MCM5: variants seen among roughly 807,000 people sequenced by gnomAD.
MCM5 encodes the protein DNA replication licensing factor MCM5.
Under a neutral mutation model 79.9 loss-of-function variants are expected in MCM5, and 46 were observed. The ratio of observed to expected loss-of-function variants is 0.58; its 90% CI spans 0.45 to 0.74. The LOEUF is 0.74. Ranked by LOEUF, MCM5 falls within the 30% of genes least tolerant of loss-of-function variation. MCM5 has a pLI of 0.00. For missense variants in MCM5, 883 were observed against 1,017.0 expected, an observed-to-expected ratio of 0.87 and a Z score of 1.79; for synonymous variants, 404 against 390.5, an observed-to-expected ratio of 1.03 and a Z score of -0.41.
the MCM5 span, among the ~76,000 whole-genome samples, chr22:35,444,503 C>T: frequency 6.6e-6 from 1 of 152,146 alleles, no homozygotes; most frequent in South Asian, 2.1e-4. Context: ...CCCTCCTGGG[C>T]TGTCGCGGCC....
the MCM5 span, among the ~76,000 whole-genome samples, chr22:35,442,267 C>T: frequency 4.0e-5 from 6 of 151,868 alleles, no homozygotes; most frequent in East Asian, 1.9e-4. Flanking sequence ...TGCCTGCTTG[C>T]GTGGTGGGTT....
the MCM5 span, among the ~76,000 whole-genome samples, chr22:35,449,984 A>G: frequency 1.3e-5 from 2 of 151,994 alleles, no homozygotes; most frequent in Non-Finnish European, 2.9e-5. Flanking sequence ...GGGTCCTGCT[A>G]TGTTGCCCAG....
chr22:35,441,434 C>T, the MCM5 span, among the ~76,000 whole-genome samples: 8 of 152,326 alleles, frequency 5.3e-5, no homozygotes, highest in Admixed American at 2.0e-4. Context: ...GCCCCCCCAC[C>T]ACCTCTACAG....
At chr22:35,421,248 G>A in intron 14 of MCM5, 70 bp from the exon 15 acceptor site, 1 of 1,528,582 alleles carries the variant, frequency 6.5e-7, no homozygotes, top group Non-Finnish European at 8.8e-7. Context: ...CACCTCCCTG[G>A]TAACGGGCTG....
At chr22:35,432,111 T>C in the MCM5 span, among the ~76,000 whole-genome samples, 3 of 152,248 alleles carry the variant, frequency 2.0e-5, no homozygotes, top group Non-Finnish European at 4.4e-5. Flanking sequence ...TCTATGGGTT[T>C]CTATTATTAT....
intron 2 of MCM5, among the ~76,000 whole-genome samples, chr22:35,402,568 T>A (rs948223103): frequency 6.6e-6 from 1 of 151,960 alleles, no homozygotes; most frequent in Non-Finnish European, 1.5e-5. Flanking sequence ...TGGTTTTTTT[T>A]TTTGAGACAG....
At chr22:35,418,638 C>T (rs1045428349) in intron 13 of MCM5, among the ~76,000 whole-genome samples, 1 of 149,412 alleles carries the variant, frequency 6.7e-6, no homozygotes, top group Non-Finnish European at 1.5e-5. Context: ...TCAGCCTGGG[C>T]AACAGAGTGA....
At position 35,424,441 on chromosome 22, in the gene MCM5, C is replaced by T. The variant is rs1932758575; in HGVS notation, c.*186C>T. On this transcript the variant is annotated 3_prime_UTR_variant, in exon 17 of 17. Coordinates refer to ENST00000216122, the MANE Select transcript of MCM5 (RefSeq NM_006739.4). Reference sequence around the variant, plus strand: ...GCTGCCTCTGGGCGCCCGCCTCTAGCGCGGTTCTGGGAAGTGTGCTTTTGG... The same window carrying T: ...GCTGCCTCTGGGCGCCCGCCTCTAGTGCGGTTCTGGGAAGTGTGCTTTTGG... 2 of 548,728 alleles carry T rather than the reference C, an allele frequency of 3.6e-6. No homozygotes were observed. The highest frequency in any genetic ancestry group is 1.9e-5 in the African/African-American group (1 of 51,480). The allele number at this position is 548,728 out of a possible 1,614,324, so 34.0% of individuals were successfully genotyped here.
At chr22:35,439,832 T>C in the MCM5 span, among the ~76,000 whole-genome samples, 3 of 152,266 alleles carry the variant, frequency 2.0e-5, no homozygotes, top group African/African-American at 7.2e-5. Context: ...TTTGCAAGAC[T>C]GTTGTAGAGA....
At chr22:35,417,697 G>A (rs992528800) in intron 12 of MCM5, 47 bp from the exon 13 acceptor site, 1 of 1,373,324 alleles carries the variant, frequency 7.3e-7, no homozygotes, top group South Asian at 1.2e-5. Context: ...TGGGACTCAG[G>A]CTTGGGACGG....
chr22:35,449,509 C>G, the MCM5 span, among the ~76,000 whole-genome samples: 815 of 151,978 alleles, frequency 5.4e-3, 19 homozygotes, highest in African/African-American at 0.019. Context: ...CTCTGCCCAG[C>G]CGTGGCTTCT....
chr22:35,427,996 G>A (rs1299318158), downstream of MCM5, among the ~76,000 whole-genome samples: 2 of 150,100 alleles, frequency 1.3e-5, no homozygotes, highest in Non-Finnish European at 3.0e-5. Flanking sequence ...GCAACATAGT[G>A]AGACCCCCAT....
chr22:35,429,525 C>T (rs1469559844), downstream of MCM5, among the ~76,000 whole-genome samples: 2 of 151,742 alleles, frequency 1.3e-5, no homozygotes, highest in Non-Finnish European at 2.9e-5. Flanking sequence ...CCCTCCTGCC[C>T]TTGTTTTTTG....
chr22:35,404,008 G>A (rs1932141186), intron 4 of MCM5, among the ~76,000 whole-genome samples: 1 of 152,110 alleles, frequency 6.6e-6, no homozygotes, highest in Admixed American at 6.6e-5. Context: ...CTACTTGGAA[G>A]GCTGAAGTGG....
intron 13 of MCM5, 76 bp from the exon 14 acceptor site, chr22:35,419,808 A>G: frequency 1.4e-6 from 2 of 1,470,066 alleles, no homozygotes; most frequent in Admixed American, 2.2e-5. Context: ...GTAAGCTGGC[A>G]GGGGGCTGGG....
chr22:35,441,967 A>G, the MCM5 span, among the ~76,000 whole-genome samples: 5 of 152,026 alleles, frequency 3.3e-5, no homozygotes, highest in African/African-American at 7.3e-5. Flanking sequence ...GCGTGTTGCA[A>G]CAGCATCCCA....
chr22:35,423,210 A>T lies in MCM5; in HGVS notation c.1976-4A>T, dbSNP rs372403514. The T allele has an allele frequency of 7.1e-5, 112 of 1,568,116 alleles. 2 individuals are homozygous for T. The South Asian group carries it at 7.2e-4, about 10-fold the overall frequency. Reference sequence around the variant, plus strand: ...CCGGCTGCCTCACTTCTCCATGCCCACAGGGGTGGAGGGCTTCACCAGCCA... The same window carrying T: ...CCGGCTGCCTCACTTCTCCATGCCCTCAGGGGTGGAGGGCTTCACCAGCCA... On this transcript the variant is annotated splice_polypyrimidine_tract_variant and splice_region_variant and intron_variant, in intron 15 of 16. Transcript: ENST00000216122.
chr22:35,436,605 T>C, the MCM5 span, among the ~76,000 whole-genome samples: 1 of 152,202 alleles, frequency 6.6e-6, no homozygotes, highest in Admixed American at 6.5e-5. Flanking sequence ...CCTGGCTTCG[T>C]GCCCTCTCCC....
rs1316779070 is a variant in MCM5, at chr22:35,424,258, C to T, written c.*3C>T. 63 of 1,539,108 alleles carry T rather than the reference C, an allele frequency of 4.1e-5. No homozygotes were observed. Among genetic ancestry groups the T allele is most frequent in the Non-Finnish European group, 4.8e-5 (55 of 1,139,642 alleles). On this transcript the variant is annotated 3_prime_UTR_variant, in exon 17 of 17. Transcript: ENST00000216122. ...AGGTTCTCTACCGCCTCAAGTGAGTCGCGCCGCCTCACTGGACTCATGGAC... is the reference window on the plus strand; with the variant it reads ...AGGTTCTCTACCGCCTCAAGTGAGTTGCGCCGCCTCACTGGACTCATGGAC...
Sources: allele counts gnomAD v4.1 joint callset (sites outside exome capture counted in the v4.1 genomes callset), GRCh38; gene constraint gnomAD v4.1.1; transcripts MANE v1.5; gene names NCBI Gene and HGNC (gene_info 2026-07-23, HGNC 2026-07-21).